The following ADRA1B variants were observed in gnomAD, a reference collection of about 807,000 sequenced individuals.
The protein encoded by ADRA1B is adrenoceptor alpha 1B.
A neutral mutation model predicts 17.9 loss-of-function variants in ADRA1B; 17 were observed. The ratio of observed to expected loss-of-function variants is 0.95; its 90% CI spans 0.65 to 1.42. The LOEUF is 1.42. ADRA1B is among the 40% of genes most tolerant of loss of function. The pLI, the probability that ADRA1B is intolerant of heterozygous loss-of-function variation, is 0.00. For synonymous variants in ADRA1B, 366 were observed against 327.6 expected (o/e 1.12, Z -1.27); for missense variants, 681 against 722.1 (o/e 0.94, Z 0.65).
At chr5:159,865,967 A>G (rs1753647191) in intron 1 of ADRA1B, among the ~76,000 whole-genome samples, 1 of 152,190 alleles carries the variant, frequency 6.6e-6, no homozygotes, top group South Asian at 2.1e-4. Context: ...ACTCTTTCAT[A>G]TTCATTAACT....
upstream of ADRA1B, among the ~76,000 whole-genome samples, chr5:159,915,302 GTGTCTCATCCA>G (rs1754273455): frequency 6.6e-6 from 1 of 152,156 alleles, no homozygotes; most frequent in Admixed American, 6.5e-5. Context: ...CCATAATTTG[GTGTCTCATCCA>G]TGAAATAGAA....
chr5:159,927,115 G>A (rs556513672), intron 1 of ADRA1B, among the ~76,000 whole-genome samples: 29 of 152,206 alleles, frequency 1.9e-4, no homozygotes, highest in African/African-American at 6.7e-4. Flanking sequence ...TCTTGAAAAT[G>A]GATGGCCTCT....
the ADRA1B span, among the ~76,000 whole-genome samples, chr5:159,980,822 C>G: frequency 6.6e-6 from 1 of 151,910 alleles, no homozygotes; most frequent in Non-Finnish European, 1.5e-5. Flanking sequence ...ATCAGGAAAG[C>G]GCAAACCTCT....
chr5:159,893,407 T>C (rs930775820), intron 1 of ADRA1B, among the ~76,000 whole-genome samples: 11 of 92,534 alleles, frequency 1.2e-4, no homozygotes, highest in Non-Finnish European at 9.4e-5. Flanking sequence ...CAATGCTTAA[T>C]AGGGATGAAT....
chr5:159,953,570 C>T (rs892930462), intron 1 of ADRA1B, among the ~76,000 whole-genome samples: 15 of 152,242 alleles, frequency 9.9e-5, no homozygotes, highest in African/African-American at 3.4e-4. Flanking sequence ...AGCTCTGGGT[C>T]GGGCCTCAAA....
At chr5:159,883,948 A>G (rs1412483255) in intron 1 of ADRA1B, among the ~76,000 whole-genome samples, 2 of 152,172 alleles carry the variant, frequency 1.3e-5, no homozygotes, top group African/African-American at 2.4e-5. Context: ...ATATACCCTC[A>G]ATACCAAACA....
chr5:159,939,333 GCGCA>G (rs1245673701), intron 1 of ADRA1B, among the ~76,000 whole-genome samples: 2,141 of 120,510 alleles, frequency 0.018, 25 homozygotes, highest in Middle Eastern at 0.038. Flanking sequence ...GCGCGCGCGC[GCGCA>G]CACAATGCAC....
At chr5:159,905,741 C>T (rs945826216) in intron 1 of ADRA1B, among the ~76,000 whole-genome samples, 1 of 152,176 alleles carries the variant, frequency 6.6e-6, no homozygotes, top group African/African-American at 2.4e-5. Context: ...ACAAAGGAAC[C>T]TTGCCTAGAC....
At chr5:159,938,499 A>G (rs867370444) in intron 1 of ADRA1B, among the ~76,000 whole-genome samples, 1 of 152,222 alleles carries the variant, frequency 6.6e-6, no homozygotes, top group Non-Finnish European at 1.5e-5. Context: ...GGGGAATCCC[A>G]GAGAATGGGT....
At chr5:159,946,094 T>C (rs941259079) in intron 1 of ADRA1B, among the ~76,000 whole-genome samples, 56 of 152,192 alleles carry the variant, frequency 3.7e-4, no homozygotes, top group African/African-American at 1.2e-3. Context: ...GGATGGATTG[T>C]AGAGGCTTAA....
intron 1 of ADRA1B, among the ~76,000 whole-genome samples, chr5:159,966,049 C>T (rs1033706984): frequency 1.3e-5 from 2 of 152,112 alleles, no homozygotes; most frequent in African/African-American, 4.8e-5. Flanking sequence ...TGCTGGATTA[C>T]AGGTGTGAGC....
At chr5:159,938,262 T>G (rs1755010794) in intron 1 of ADRA1B, among the ~76,000 whole-genome samples, 1 of 152,202 alleles carries the variant, frequency 6.6e-6, no homozygotes, top group African/African-American at 2.4e-5. Flanking sequence ...AATTAGCTAA[T>G]ATGATGAGCT....
intron 1 of ADRA1B, among the ~76,000 whole-genome samples, chr5:159,910,288 G>T (rs1202970155): frequency 2.0e-5 from 3 of 152,106 alleles, no homozygotes; most frequent in Non-Finnish European, 4.4e-5. Flanking sequence ...TGAAAATAAA[G>T]AGGCTGAAAG....
In ADRA1B at chr5:159,917,376, C is replaced by A. The variant is rs1754348427; in HGVS notation, c.471C>A (p.Val157=). Reference sequence around the variant, plus strand: ...ACTCTCTGCAGTATCCCACGCTGGTCACCCGGAGGAAGGCCATCTTGGCGC... The same window carrying A: ...ACTCTCTGCAGTATCCCACGCTGGTAACCCGGAGGAAGGCCATCTTGGCGC... ...VRYSLQYPTL[V]TRRKAILALL... is the part of the protein sequence containing the mutation. The change falls in exon 1 of 2, where the codon GTC becomes GTA. Residue 157 remains valine (V), a synonymous_variant. Coordinates refer to ENST00000306675, the MANE Select transcript of ADRA1B (RefSeq NM_000679.4). 2 of 1,614,056 alleles carry A rather than the reference C, an allele frequency of 1.2e-6. No homozygotes were observed. Among genetic ancestry groups the A allele is most frequent in the Admixed American group, 1.7e-5 (1 of 60,010 alleles).
intron 1 of ADRA1B, among the ~76,000 whole-genome samples, chr5:159,952,028 T>C (rs1271870488): frequency 1.3e-5 from 2 of 152,218 alleles, no homozygotes; most frequent in Non-Finnish European, 2.9e-5. Context: ...CAGTTTCTCC[T>C]GGATTTGGCT....
intron 1 of ADRA1B, among the ~76,000 whole-genome samples, chr5:159,961,392 T>G (rs1755662155): frequency 6.6e-6 from 1 of 152,228 alleles, no homozygotes; most frequent in Non-Finnish European, 1.5e-5. Flanking sequence ...TTTTAAAACT[T>G]AACATGGCTC....
At chr5:159,974,608 C>T (rs1018433940), downstream of ADRA1B, among the ~76,000 whole-genome samples, 1 of 150,826 alleles carries the variant, frequency 6.6e-6, no homozygotes, top group Non-Finnish European at 1.5e-5. Flanking sequence ...TGCACTCCAG[C>T]CTGGGTGACA....
At chr5:159,975,870 C>T (rs573034404), downstream of ADRA1B, among the ~76,000 whole-genome samples, 2 of 152,314 alleles carry the variant, frequency 1.3e-5, no homozygotes, top group Non-Finnish European at 2.9e-5. Context: ...CTACTATTTC[C>T]TCTCCAGCCA....
intron 1 of ADRA1B, among the ~76,000 whole-genome samples, chr5:159,886,442 G>C (rs913116515): frequency 3.3e-5 from 5 of 152,218 alleles, no homozygotes; most frequent in Admixed American, 6.5e-5. Context: ...AAATTAAGCT[G>C]TCTGCTGGGG....
Sources: gnomAD v4.1 joint callset for allele counts (sites outside exome capture counted in the v4.1 genomes callset) on GRCh38, gnomAD v4.1.1 for gene constraint, MANE v1.5 for transcripts, NCBI Gene and HGNC (gene_info 2026-07-23, HGNC 2026-07-21) for gene names.